Variants in PRIM2 observed in about 807,000 individuals in gnomAD.
PRIM2 encodes DNA primase large subunit.
A neutral mutation model predicts 67.3 loss-of-function variants in PRIM2; 39 were observed. The ratio of observed to expected loss-of-function variants is 0.58; its 90% CI spans 0.45 to 0.76. The LOEUF is 0.76. PRIM2 is among the 30% of genes least tolerant of loss of function. PRIM2 has a pLI of 0.00. For missense variants in PRIM2, 398 were observed against 598.7 expected (o/e 0.66, Z 3.50); for synonymous variants, 143 against 198.7 (o/e 0.72, Z 2.36).
intron 10 of PRIM2, among the ~76,000 whole-genome samples, chr6:57,543,009 G>A (rs1344920565): frequency 7.3e-6 from 1 of 136,154 alleles, no homozygotes; most frequent in Non-Finnish European, 1.5e-5. Context: ...CGCAATCTCG[G>A]CTCACTGCAG....
At chr6:57,254,523 T>C in the PRIM2 span, among the ~76,000 whole-genome samples, 1 of 152,158 alleles carries the variant, frequency 6.6e-6, no homozygotes, top group Admixed American at 6.5e-5. Flanking sequence ...AGTTAAATAT[T>C]AAAAGCTGAT....
chr6:57,381,709 TGTAGAAGTCTTGA>T, intron 6 of PRIM2, among the ~76,000 whole-genome samples: 1 of 152,176 alleles, frequency 6.6e-6, no homozygotes, highest in Non-Finnish European at 1.5e-5. Context: ...ATGCAACATG[TGTAGAAGTCTTGA>T]GTTAAGAGTT....
intron 8 of PRIM2, among the ~76,000 whole-genome samples, chr6:57,526,915 T>C (rs1202888231): frequency 3.3e-5 from 5 of 152,130 alleles, no homozygotes; most frequent in African/African-American, 4.8e-5. Flanking sequence ...AGAATATATT[T>C]TGACAATTCA....
chr6:57,502,795 A>G (rs1342540590), intron 7 of PRIM2, among the ~76,000 whole-genome samples: 7 of 152,124 alleles, frequency 4.6e-5, no homozygotes, highest in Non-Finnish European at 1.0e-4. Context: ...TTTTCAGTTG[A>G]CAATCCATAA....
chr6:57,446,303 T>TC lies in PRIM2; in HGVS notation c.694-61084_694-61083insC, dbSNP rs1418629326. On this transcript the variant is annotated intron_variant, in intron 7 of 13. Coordinates refer to ENST00000615550, the MANE Select transcript of PRIM2 (RefSeq NM_000947.5). ...CTGTTTTTTTTGTTTTTTTTTTTTT[T>TC]AGAAGTAATAGAAAACTTGCCTCAG... 4.0e-5 allele frequency among the ~76,000 whole-genome samples: 6 copies of TC among 151,226 alleles called. No homozygotes were observed. In the South Asian group the frequency reaches 8.4e-4, roughly 21 times the overall value.
At chr6:57,588,581 T>C (rs1402779320) in intron 10 of PRIM2, among the ~76,000 whole-genome samples, 1 of 151,790 alleles carries the variant, frequency 6.6e-6, no homozygotes, top group African/African-American at 2.4e-5. Context: ...GTGTCTTTTT[T>C]CCTCATGATA....
At chr6:57,341,593 T>C (rs1361087262) in intron 5 of PRIM2, among the ~76,000 whole-genome samples, 1 of 152,226 alleles carries the variant, frequency 6.6e-6, no homozygotes, top group Non-Finnish European at 1.5e-5. Flanking sequence ...ATTGTAGGCT[T>C]TCCCAATTTT....
chr6:57,597,083 G>T lies in PRIM2; in HGVS notation c.1021-4010G>T, dbSNP rs1429261121. 9.9e-5 allele frequency among the ~76,000 whole-genome samples: 15 copies of T among 151,830 alleles called. No homozygotes were observed. The East Asian group carries it at 2.4e-3, about 24-fold the overall frequency. Reference sequence around the variant, plus strand: ...GTTTTATCAGATACTGAGTAGGCATGCTACGATGAGTACGCAACCAAGTCC... The same window carrying T: ...GTTTTATCAGATACTGAGTAGGCATTCTACGATGAGTACGCAACCAAGTCC... On this transcript the variant is annotated intron_variant, in intron 10 of 13. Coordinates refer to ENST00000615550, the MANE Select transcript of PRIM2 (RefSeq NM_000947.5).
intron 12 of PRIM2, among the ~76,000 whole-genome samples, chr6:57,626,817 G>A (rs1399876114): frequency 6.6e-6 from 1 of 151,716 alleles, no homozygotes; most frequent in Non-Finnish European, 1.5e-5. Context: ...TTAGAGACAG[G>A]GTTTCTCTGT....
chr6:57,440,674 T>C (rs1455581582), intron 7 of PRIM2, among the ~76,000 whole-genome samples: 1 of 152,196 alleles, frequency 6.6e-6, no homozygotes, highest in Non-Finnish European at 1.5e-5. Context: ...TCTTTTGACA[T>C]TGAGGGAATA....
intron 6 of PRIM2, among the ~76,000 whole-genome samples, chr6:57,381,794 A>G (rs1334297735): frequency 6.6e-6 from 1 of 152,220 alleles, no homozygotes; most frequent in East Asian, 1.9e-4. Context: ...AAGCATTCCA[A>G]CTTGGCCTTT....
At chr6:57,339,550 T>C (rs1007244397) in intron 5 of PRIM2, among the ~76,000 whole-genome samples, 7 of 152,074 alleles carry the variant, frequency 4.6e-5, no homozygotes, top group Middle Eastern at 3.4e-3. Context: ...GAAATAACGC[T>C]GCATATCTAC....
chr6:57,461,038 G>GA (rs1283761296), intron 7 of PRIM2, among the ~76,000 whole-genome samples: 1 of 152,186 alleles, frequency 6.6e-6, no homozygotes, highest in Non-Finnish European at 1.5e-5. Context: ...ATTTAAGGAT[G>GA]ATACGATCCA....
the PRIM2 span, among the ~76,000 whole-genome samples, chr6:57,285,660 A>C: frequency 6.6e-6 from 1 of 152,250 alleles, no homozygotes; most frequent in Admixed American, 6.5e-5. Context: ...AACCATAGAC[A>C]ATATCAGACT....
intron 7 of PRIM2, among the ~76,000 whole-genome samples, chr6:57,454,517 G>T (rs1315570034): frequency 6.6e-6 from 1 of 152,156 alleles, no homozygotes; most frequent in Non-Finnish European, 1.5e-5. Flanking sequence ...TTAGACTTGG[G>T]AGAGTGTATG....
At chr6:57,320,621 C>A in intron 3 of PRIM2, 61 bp downstream of exon 3, 1 of 1,038,828 alleles carries the variant, frequency 9.6e-7, no homozygotes, top group Non-Finnish European at 1.4e-6. Flanking sequence ...TTGAGTGTCA[C>A]TTGTGGGAAA....
chr6:57,492,349 C>T (rs1554346037), intron 7 of PRIM2, among the ~76,000 whole-genome samples: 7 of 152,008 alleles, frequency 4.6e-5, no homozygotes, highest in Non-Finnish European at 8.8e-5. Flanking sequence ...TTGAGACCAG[C>T]CTGGCCAACA....
chr6:57,528,249 A>G (rs1774805222), intron 8 of PRIM2, among the ~76,000 whole-genome samples: 1 of 149,694 alleles, frequency 6.7e-6, no homozygotes, highest in Non-Finnish European at 1.5e-5. Flanking sequence ...GAATAGAGGC[A>G]TGAGCCACTA....
At chr6:57,554,795 T>G (rs1486515265) in intron 10 of PRIM2, among the ~76,000 whole-genome samples, 15 of 152,228 alleles carry the variant, frequency 9.9e-5, no homozygotes, top group African/African-American at 3.4e-4. Context: ...TCCTTCATAT[T>G]TAAATCTTGC....
Sources: allele counts gnomAD v4.1 joint callset (sites outside exome capture counted in the v4.1 genomes callset), GRCh38; gene constraint gnomAD v4.1.1; transcripts MANE v1.5; gene names NCBI Gene and HGNC (gene_info 2026-07-23, HGNC 2026-07-21).